The following CLASP2 variants were observed in gnomAD, a reference collection of about 807,000 sequenced individuals.
The protein encoded by CLASP2 is cytoplasmic linker associated protein 2.
In CLASP2, 47 loss-of-function variants were observed where a neutral mutation model predicts 194.4. That is an observed-to-expected ratio of 0.24 (90% CI 0.19 to 0.31). The LOEUF (loss-of-function observed/expected upper bound fraction) is 0.31. Among genes scored for constraint, CLASP2 ranks in the 10% least tolerant of loss-of-function variants. The probability of loss-of-function intolerance (pLI) is 1.00; values close to 1 mark genes in which losing one functional copy is unlikely to be tolerated. For missense variants in CLASP2, 1,445 were observed against 1,823.6 expected (o/e 0.79, Z 3.78); for synonymous variants, 619 against 633.5 (o/e 0.98, Z 0.34).
intron 1 of CLASP2, among the ~76,000 whole-genome samples, chr3:33,708,856 T>C (rs1037525020): frequency 4.6e-5 from 7 of 152,150 alleles, no homozygotes; most frequent in African/African-American, 1.4e-4. Flanking sequence ...CCAATACTTG[T>C]TCTCTTTTGA....
chr3:33,520,171 G>A (rs2052581869), intron 34 of CLASP2, among the ~76,000 whole-genome samples: 1 of 149,916 alleles, frequency 6.7e-6, no homozygotes, highest in South Asian at 2.1e-4. Context: ...CTGCTACCAC[G>A]CCCAGCTAAT....
chr3:33,573,286 T>C lies in CLASP2; in HGVS notation c.2523A>G (p.Ala841=). ...AGGAGCGTTCTGAACAAGCACTAGA[T>C]GCATCGCTGTTGGCGTCATCATCTG... ...MHSDDDANSD[A]SSACSERSYS... The change falls in exon 25 of 39, where the codon GCA becomes GCG. Residue 841 remains alanine, a synonymous_variant. Coordinates refer to ENST00000682230, the MANE Select transcript of CLASP2 (RefSeq NM_001365631.1). 6.2e-7 allele frequency: 1 copy of C among 1,613,956 alleles called. No homozygotes were observed. The highest frequency in any genetic ancestry group is 2.2e-5 in the East Asian group (1 of 44,870).
At chr3:33,559,663 G>A (rs2061487661) in intron 28 of CLASP2, among the ~76,000 whole-genome samples, 1 of 152,216 alleles carries the variant, frequency 6.6e-6, no homozygotes, top group African/African-American at 2.4e-5. Flanking sequence ...GGGAGGCTGA[G>A]GCGGGCGGAT....
At chr3:33,642,418 T>G (rs879226277) in intron 8 of CLASP2, among the ~76,000 whole-genome samples, 4 of 151,934 alleles carry the variant, frequency 2.6e-5, no homozygotes, top group Non-Finnish European at 5.9e-5. Context: ...TTTGTTCTTC[T>G]ACCAAGAAAA....
At position 33,513,011 on chromosome 3, in the gene CLASP2, C is replaced by A. The variant is rs545092969; in HGVS notation, c.4111-2247G>T. Among the ~76,000 whole-genome samples the A allele has an allele frequency of 4.0e-4, 61 of 151,960 alleles. 1 individual carries two copies. Among genetic ancestry groups the A allele is most frequent in the Admixed American group, 1.8e-3 (27 of 15,258 alleles). ...GTCTAAAAACCAACCAACCAACCAA[C>A]CAAACAAACAAAAAACAAGAAAATA... On this transcript the variant is annotated intron_variant, in intron 36 of 38. Transcript: ENST00000682230.
chr3:33,600,848 T>A (rs2071896982), intron 18 of CLASP2, among the ~76,000 whole-genome samples: 1 of 152,032 alleles, frequency 6.6e-6, no homozygotes, highest in Admixed American at 6.6e-5. Context: ...AAACATTGAA[T>A]TACTGGGGCA....
chr3:33,540,193 G>C (rs1281320048), intron 32 of CLASP2, among the ~76,000 whole-genome samples: 1 of 148,198 alleles, frequency 6.7e-6, no homozygotes. Context: ...GCCTCCCAAA[G>C]TGTTGCGATT....
chr3:33,574,652 C>CTA (rs2064456538), intron 24 of CLASP2, among the ~76,000 whole-genome samples: 1 of 152,058 alleles, frequency 6.6e-6, no homozygotes, highest in African/African-American at 2.4e-5. Flanking sequence ...CAGGCTGTGT[C>CTA]TTTAATCTTG....
At chr3:33,511,199 A>AT (rs918877267) in intron 36 of CLASP2, among the ~76,000 whole-genome samples, 1 of 151,722 alleles carries the variant, frequency 6.6e-6, no homozygotes, top group African/African-American at 2.4e-5. Context: ...TGCCCGGCTA[A>AT]TTTTTTTTAT....
At chr3:33,698,290 A>G (rs2092107392) in intron 1 of CLASP2, among the ~76,000 whole-genome samples, 1 of 152,194 alleles carries the variant, frequency 6.6e-6, no homozygotes, top group Non-Finnish European at 1.5e-5. Context: ...GAAAAAGATA[A>G]AAAGCCTTCT....
At chr3:33,712,063 T>C (rs2093040408) in intron 1 of CLASP2, among the ~76,000 whole-genome samples, 1 of 152,186 alleles carries the variant, frequency 6.6e-6, no homozygotes, top group Non-Finnish European at 1.5e-5. Context: ...CACAGGGACA[T>C]GCACGTTTAT....
At chr3:33,502,810 A>C (rs2047137598) in intron 37 of CLASP2, 1 of 152,210 alleles carries the variant, frequency 6.6e-6, no homozygotes, top group African/African-American at 2.4e-5. Context: ...AAAGAAGTAC[A>C]TTATTCCTAA....
intron 2 of CLASP2, among the ~76,000 whole-genome samples, chr3:33,694,368 C>A (rs1004647099): frequency 3.9e-5 from 6 of 152,130 alleles, no homozygotes; most frequent in Non-Finnish European, 8.8e-5. Context: ...CATAAAACCC[C>A]ATGTGGTACT....
At chr3:33,684,592 A>G (rs1406101185) in intron 5 of CLASP2, 136 bp from the exon 6 acceptor site, 2 of 448,660 alleles carry the variant, frequency 4.5e-6, no homozygotes, top group Non-Finnish European at 7.8e-6. Context: ...ATGGCTTGTC[A>G]TCAGTAAAAA....
At chr3:33,522,768 T>C (rs1399015936) in intron 34 of CLASP2, among the ~76,000 whole-genome samples, 2 of 152,114 alleles carry the variant, frequency 1.3e-5, no homozygotes, top group African/African-American at 4.8e-5. Flanking sequence ...GTATGGTAAC[T>C]GAAATAAAAA....
intron 18 of CLASP2, among the ~76,000 whole-genome samples, chr3:33,601,440 A>C (rs1246935013): frequency 1.3e-5 from 2 of 152,196 alleles, no homozygotes; most frequent in Non-Finnish European, 2.9e-5. Flanking sequence ...TTTTCTATAA[A>C]AATAAGCTCA....
intron 7 of CLASP2, chr3:33,645,272 T>C (rs762907681): frequency 1.3e-6 from 1 of 765,316 alleles, no homozygotes; most frequent in Non-Finnish European, 2.4e-6. Context: ...ACCCAGATTC[T>C]GCAACTTACA....
chr3:33,630,558 TA>T (rs11387497), intron 9 of CLASP2, among the ~76,000 whole-genome samples: 1 of 150,554 alleles, frequency 6.6e-6, no homozygotes, highest in Admixed American at 6.6e-5. Context: ...TTAAAGAGCG[TA>T]AAAAAAAAAT....
At chr3:33,577,119 C>A (rs2065060566) in intron 23 of CLASP2, 3 of 995,440 alleles carry the variant, frequency 3.0e-6, no homozygotes, top group Non-Finnish European at 2.9e-6. Flanking sequence ...AATTTTAAAA[C>A]ATGAATATTA....
Sources: allele counts gnomAD v4.1 joint callset (sites outside exome capture counted in the v4.1 genomes callset), GRCh38; gene constraint gnomAD v4.1.1; transcripts MANE v1.5; gene names NCBI Gene and HGNC (gene_info 2026-07-23, HGNC 2026-07-21).